The following MEIS2 variants were observed in gnomAD, a reference collection of about 807,000 sequenced individuals.
MEIS2 encodes the protein Meis homeobox 2.
MEIS2 carries 9 observed loss-of-function variants against 58.6 expected under a neutral mutation model. That is an observed-to-expected ratio of 0.15 (90% CI 0.09 to 0.27). MEIS2 has a LOEUF of 0.27. Ranked by LOEUF, MEIS2 falls within the 10% of genes least tolerant of loss-of-function variation. The pLI is 1.00. For synonymous variants in MEIS2, 221 were observed against 228.4 expected (o/e 0.97, Z 0.29); for missense variants, 427 against 635.0 (o/e 0.67, Z 3.52).
At chr15:36,991,729 TAATCTAAGATGA>T (rs1316798659) in intron 8 of MEIS2, among the ~76,000 whole-genome samples, 1 of 150,930 alleles carries the variant, frequency 6.6e-6, no homozygotes, top group African/African-American at 2.4e-5. Context: ...CTACACTCTT[TAATCTAAGATGA>T]TTAAAAGTAC....
intron 9 of MEIS2, among the ~76,000 whole-genome samples, chr15:36,947,033 T>C (rs2058592220): frequency 6.6e-6 from 1 of 152,056 alleles, no homozygotes; most frequent in Admixed American, 6.6e-5. Context: ...TTACAGCTGA[T>C]TTGACTCTCC....
intron 7 of MEIS2, among the ~76,000 whole-genome samples, chr15:37,047,068 C>T (rs1217282173): frequency 6.6e-6 from 1 of 152,070 alleles, no homozygotes; most frequent in Non-Finnish European, 1.5e-5. Flanking sequence ...TACTCAGTTA[C>T]CTGATAAGCA....
intron 9 of MEIS2, among the ~76,000 whole-genome samples, chr15:36,908,825 G>T (rs529892926): frequency 1.3e-5 from 2 of 152,202 alleles, no homozygotes; most frequent in South Asian, 4.2e-4. Context: ...TGCAATCCCA[G>T]CTACTCGGGA....
At chr15:36,989,458 ACTT>A (rs965623251) in intron 8 of MEIS2, among the ~76,000 whole-genome samples, 3 of 152,050 alleles carry the variant, frequency 2.0e-5, no homozygotes, top group Admixed American at 6.5e-5. Context: ...TGCCTTCAGG[ACTT>A]CTTCTTTCAG....
At chr15:37,026,644 G>A (rs1396657492) in intron 8 of MEIS2, among the ~76,000 whole-genome samples, 1 of 152,112 alleles carries the variant, frequency 6.6e-6, no homozygotes, top group African/African-American at 2.4e-5. Flanking sequence ...GAGAGTGGTG[G>A]CTGGAAGGAA....
intron 8 of MEIS2, among the ~76,000 whole-genome samples, chr15:37,024,166 G>A (rs1333013811): frequency 2.6e-5 from 4 of 152,022 alleles, no homozygotes; most frequent in African/African-American, 9.7e-5. Flanking sequence ...CCAAAGTGCT[G>A]GGATTACAGG....
chr15:36,988,893 C>T (rs17526928), intron 8 of MEIS2, among the ~76,000 whole-genome samples: 9,094 of 152,140 alleles, frequency 0.06, 313 homozygotes, highest in East Asian at 0.071. Context: ...CTTATCCCTT[C>T]TGCATGGAAC....
chr15:36,918,359 G>A (rs1205178302), intron 9 of MEIS2, among the ~76,000 whole-genome samples: 1 of 152,146 alleles, frequency 6.6e-6, no homozygotes, highest in East Asian at 1.9e-4. Context: ...CTCCTCAAAT[G>A]TAAAATGAGA....
chr15:36,966,249 C>T (rs545039968), intron 8 of MEIS2, among the ~76,000 whole-genome samples: 1 of 152,198 alleles, frequency 6.6e-6, no homozygotes, highest in African/African-American at 2.4e-5. Flanking sequence ...CCACAAGACA[C>T]CATTTTTAGG....
intron 8 of MEIS2, among the ~76,000 whole-genome samples, chr15:37,008,233 T>G (rs1442298124): frequency 3.9e-5 from 6 of 152,226 alleles, no homozygotes; most frequent in Non-Finnish European, 1.5e-5. Flanking sequence ...ACAATGAACT[T>G]GGCGTTACAT....
chr15:37,007,935 A>G (rs1353569445), intron 8 of MEIS2, among the ~76,000 whole-genome samples: 1 of 152,238 alleles, frequency 6.6e-6, no homozygotes. Flanking sequence ...GCAAAACTTA[A>G]TGATTTTAAA....
chr15:36,971,352 A>C (rs1186812072), intron 8 of MEIS2, among the ~76,000 whole-genome samples: 2 of 151,784 alleles, frequency 1.3e-5, no homozygotes, highest in Non-Finnish European at 2.9e-5. Context: ...TGGTAATACA[A>C]ATTTTAAAGT....
chr15:37,026,191 ATGTGTCACC>A (rs2061698310), intron 8 of MEIS2, among the ~76,000 whole-genome samples: 1 of 152,156 alleles, frequency 6.6e-6, no homozygotes, highest in Non-Finnish European at 1.5e-5. Context: ...GAGAGTCCCA[ATGTGTCACC>A]AAATCTACAG....
chr15:37,079,696 CA>C (rs1175738588), intron 7 of MEIS2, among the ~76,000 whole-genome samples: 1 of 152,074 alleles, frequency 6.6e-6, no homozygotes, highest in Admixed American at 6.6e-5. Context: ...CTGTATAATA[CA>C]TAAATAAATA....
At chr15:37,025,309 C>A (rs1259755335) in intron 8 of MEIS2, among the ~76,000 whole-genome samples, 1 of 152,196 alleles carries the variant, frequency 6.6e-6, no homozygotes, top group African/African-American at 2.4e-5. Flanking sequence ...AGAAAACGAG[C>A]ACTCAGATAA....
intron 9 of MEIS2, among the ~76,000 whole-genome samples, chr15:36,945,656 A>G (rs1407065513): frequency 6.6e-6 from 1 of 152,072 alleles, no homozygotes; most frequent in Non-Finnish European, 1.5e-5. Context: ...GCCACTTTCC[A>G]TGAAGAAGTC....
chr15:37,009,668 T>C (rs2061061359), intron 8 of MEIS2, among the ~76,000 whole-genome samples: 1 of 152,250 alleles, frequency 6.6e-6, no homozygotes, highest in South Asian at 2.1e-4. Context: ...AAAAGTATTC[T>C]AGAAACTTGC....
intron 6 of MEIS2, among the ~76,000 whole-genome samples, chr15:37,089,810 T>C (rs1028850704): frequency 2.0e-5 from 3 of 150,116 alleles, no homozygotes; most frequent in Non-Finnish European, 3.0e-5. Flanking sequence ...GAACTTTACA[T>C]GTAATATCTT....
intron 6 of MEIS2, among the ~76,000 whole-genome samples, chr15:37,087,675 C>G (rs552805957): frequency 6.6e-6 from 1 of 152,234 alleles, no homozygotes; most frequent in East Asian, 1.9e-4. Flanking sequence ...ACAGGAGTCT[C>G]TGGGCATAGG....
Sources: allele counts gnomAD v4.1 joint callset (sites outside exome capture counted in the v4.1 genomes callset), GRCh38; gene constraint gnomAD v4.1.1; transcripts MANE v1.5; gene names NCBI Gene and HGNC (gene_info 2026-07-23, HGNC 2026-07-21).